Variants in PLEKHS1 observed in about 807,000 individuals in gnomAD.
PLEKHS1 encodes the protein pleckstrin homology domain-containing family S member 1.
A neutral mutation model predicts 51.0 loss-of-function variants in PLEKHS1; 55 were observed. The ratio of observed to expected loss-of-function variants is 1.08; its 90% CI spans 0.87 to 1.35. The LOEUF (loss-of-function observed/expected upper bound fraction) is 1.35. Ranked by LOEUF, PLEKHS1 falls within the 40% of genes most tolerant of loss-of-function variation. The pLI, the probability that PLEKHS1 is intolerant of heterozygous loss-of-function variation, is 0.00. For missense variants in PLEKHS1, 398 were observed against 423.0 expected (o/e 0.94, Z 0.52); for synonymous variants, 153 against 144.8 (o/e 1.06, Z -0.41).
rs1564826504 is a variant in PLEKHS1, at chr10:113,774,814, C to A, written c.780-12C>A. 6.2e-7 allele frequency: 1 copy of A among 1,610,282 alleles called. No individual in the cohort carries two copies. Among genetic ancestry groups the A allele is most frequent in the Non-Finnish European group, 8.5e-7 (1 of 1,176,738 alleles). ...GCTAAAATAGGGCTTGTTTTAACTT[C>A]TTATGCTCTAGTTTTTTCAAAGAGA... On this transcript the variant is annotated splice_polypyrimidine_tract_variant and intron_variant, in intron 9 of 11. Transcript: ENST00000361048.
intron 2 of PLEKHS1, among the ~76,000 whole-genome samples, chr10:113,756,164 G>A (rs759329422): frequency 6.6e-6 from 1 of 152,090 alleles, no homozygotes; most frequent in Admixed American, 6.5e-5. Flanking sequence ...ATGTTGCAGG[G>A]GATATACAGA....
intron 6 of PLEKHS1, 58 bp from the exon 7 acceptor site, chr10:113,769,726 C>T (rs943782964): frequency 1.8e-5 from 19 of 1,061,772 alleles, no homozygotes; most frequent in Middle Eastern, 2.3e-4. Flanking sequence ...GAGAGGCTGC[C>T]GTTTCATTCC....
intron 2 of PLEKHS1, among the ~76,000 whole-genome samples, chr10:113,760,831 C>CT (rs1299561611): frequency 1.3e-5 from 2 of 152,054 alleles, no homozygotes; most frequent in Non-Finnish European, 2.9e-5. Flanking sequence ...TCTAGTTTAT[C>CT]TTTTTTGTTT....
intron 2 of PLEKHS1, among the ~76,000 whole-genome samples, chr10:113,765,971 C>G (rs1844142527): frequency 1.3e-5 from 2 of 152,230 alleles, no homozygotes; most frequent in Non-Finnish European, 2.9e-5. Context: ...TTTACCTTCA[C>G]TCCTTTTCCA....
exon 7 of PLEKHS1, chr10:113,769,860 C>T (rs267602367): frequency 6.2e-7 from 1 of 1,614,026 alleles, no homozygotes; most frequent in Non-Finnish European, 8.5e-7. Context: ...ACATCAGAGG[C>T]TGTTGGCTCC....
intron 8 of PLEKHS1, among the ~76,000 whole-genome samples, chr10:113,772,426 G>C (rs1414244470): frequency 6.6e-6 from 1 of 152,130 alleles, no homozygotes; most frequent in Non-Finnish European, 1.5e-5. Context: ...GGATTGCCTT[G>C]AGGAGTCTTT....
At chr10:113,774,130 C>A in intron 8 of PLEKHS1, 97 bp from the exon 9 acceptor site, 1 of 706,644 alleles carries the variant, frequency 1.4e-6, no homozygotes, top group Non-Finnish European at 2.4e-6. Context: ...GAAACTGTAC[C>A]TCTATGTCAG....
At chr10:113,769,830 C>T (rs1041923860) in exon 7 of PLEKHS1, 3 of 1,614,036 alleles carry the variant, frequency 1.9e-6, no homozygotes, top group Non-Finnish European at 1.7e-6. Context: ...TACTCCAGCC[C>T]TCTCCTTGGC....
At chr10:113,774,456 A>G (rs1844557735) in intron 9 of PLEKHS1, 123 bp downstream of exon 9, 1 of 640,796 alleles carries the variant, frequency 1.6e-6, no homozygotes, top group East Asian at 2.8e-5. Context: ...CAGTTTCCAC[A>G]TATTATTCAG....
intron 10 of PLEKHS1, 149 bp downstream of exon 10, chr10:113,775,184 G>A: frequency 1.4e-6 from 1 of 722,930 alleles, no homozygotes. Context: ...CCCTGTCATT[G>A]ATGTTGTGGC....
At chr10:113,753,604 G>A (rs1328043504) in intron 1 of PLEKHS1, among the ~76,000 whole-genome samples, 1 of 152,110 alleles carries the variant, frequency 6.6e-6, no homozygotes, top group Non-Finnish European at 1.5e-5. Context: ...TTGTTCAAAT[G>A]ATCACTACTG....
At chr10:113,779,787 T>C (rs1030373992) in intron 11 of PLEKHS1, among the ~76,000 whole-genome samples, 7 of 152,190 alleles carry the variant, frequency 4.6e-5, no homozygotes, top group African/African-American at 1.2e-4. Flanking sequence ...TGTGGAGTCA[T>C]TGCATTTCTC....
At chr10:113,766,747 A>G (rs1844181477) in intron 4 of PLEKHS1, 29 bp downstream of exon 4, 1 of 1,487,936 alleles carries the variant, frequency 6.7e-7, no homozygotes. Flanking sequence ...AAACTTTTAT[A>G]ACAACAAATA....
intron 11 of PLEKHS1, among the ~76,000 whole-genome samples, chr10:113,778,856 C>T (rs1844781114): frequency 1.3e-5 from 2 of 152,120 alleles, no homozygotes; most frequent in African/African-American, 4.8e-5. Context: ...TGGTCTCAAT[C>T]TCCTGACCTC....
chr10:113,767,611 T>C (rs1209634263), intron 5 of PLEKHS1, 132 bp downstream of exon 5: 8 of 901,986 alleles, frequency 8.9e-6, no homozygotes. Context: ...TTGGCAATCT[T>C]AGTTATTTTT....
Position 113,752,669 on chromosome 10 carries a change from C to A in PLEKHS1, c.-20+908C>A, listed in dbSNP as rs1348669692. 7.2e-5 allele frequency among the ~76,000 whole-genome samples: 11 copies of A among 152,118 alleles called. No individual in the cohort carries two copies. In the East Asian group the frequency reaches 1.9e-3, roughly 27 times the overall value. On this transcript the variant is annotated intron_variant, in intron 1 of 11. Coordinates refer to ENST00000361048, the Ensembl canonical transcript of PLEKHS1. ...ATAATTCATGGAGATGAAATTTAAACCCAGATGCCAGAGCTAACACTCTAA... is the reference window on the plus strand; with the variant it reads ...ATAATTCATGGAGATGAAATTTAAAACCAGATGCCAGAGCTAACACTCTAA...
In PLEKHS1 at chr10:113,751,719, A is replaced by T. The variant is rs892110074; in HGVS notation, c.-62A>T. On this transcript the variant is annotated 5_prime_UTR_variant, in exon 1 of 12. In the 5' UTR this introduces an upstream ATG that the reference lacks. Transcript: ENST00000361048. The stretch of plus-strand genomic sequence containing the variant: ...AGTGAGTTCAGGAATCCTCGGGACA[A>T]GGCACTTTCCTGAGCACTGGACCAG... 6.6e-6 allele frequency: 1 copy of T among 152,254 alleles called. No homozygotes were observed. Among genetic ancestry groups the T allele is most frequent in the Non-Finnish European group, 1.5e-5 (1 of 68,082 alleles). 9.4% of individuals were successfully genotyped at this position (152,254 alleles called of 1,614,324 possible).
chr10:113,780,755 A>G, exon 12 of PLEKHS1: 2 of 1,571,044 alleles, frequency 1.3e-6, no homozygotes, highest in Non-Finnish European at 1.7e-6. Flanking sequence ...CATTAAAAAG[A>G]GCCAGCAGAA....
intron 11 of PLEKHS1, 26 bp from the exon 13 acceptor site, chr10:113,780,576 T>C: frequency 6.3e-7 from 1 of 1,599,116 alleles, no homozygotes. Flanking sequence ...TTTAGCCATT[T>C]AACTTTCTTC....
Sources: allele counts gnomAD v4.1 joint callset (sites outside exome capture counted in the v4.1 genomes callset), GRCh38; gene constraint gnomAD v4.1.1; transcripts MANE v1.5; gene names NCBI Gene and HGNC (gene_info 2026-07-23, HGNC 2026-07-21).